MACROD2: variants seen among roughly 807,000 people sequenced by gnomAD.
MACROD2 encodes mono-ADP ribosylhydrolase 2, also known as ADP-ribose glycohydrolase MACROD2.
Under a neutral mutation model 70.4 loss-of-function variants are expected in MACROD2, and 36 were observed. The observed-to-expected ratio is 0.51, with a 90% CI of 0.39 to 0.68. The LOEUF (loss-of-function observed/expected upper bound fraction) is 0.68. MACROD2 is among the 30% of genes least tolerant of loss of function. MACROD2 has a pLI of 0.00. For missense variants in MACROD2, 496 were observed against 538.4 expected, an observed-to-expected ratio of 0.92 and a Z score of 0.78; for synonymous variants, 172 against 178.8, an observed-to-expected ratio of 0.96 and a Z score of 0.30.
chr20:15,390,333 C>T (rs911984574), intron 6 of MACROD2, among the ~76,000 whole-genome samples: 4 of 152,168 alleles, frequency 2.6e-5, no homozygotes, highest in Non-Finnish European at 5.9e-5. Flanking sequence ...TCTCTCCACC[C>T]ATCCAAGTTC....
intron 8 of MACROD2, among the ~76,000 whole-genome samples, chr20:15,545,631 C>G (rs547751416): frequency 6.6e-6 from 1 of 152,128 alleles, no homozygotes; most frequent in Non-Finnish European, 1.5e-5. Context: ...GTTTCATTGT[C>G]TTTTCTGAGA....
chr20:14,798,409 A>G (rs548348930), intron 5 of MACROD2, among the ~76,000 whole-genome samples: 1 of 152,174 alleles, frequency 6.6e-6, no homozygotes, highest in East Asian at 1.9e-4. Context: ...TGGTTTGGGA[A>G]GATCATTGCT....
chr20:15,021,446 G>A (rs186729540), intron 5 of MACROD2: 61 of 148,786 alleles, frequency 4.1e-4, no homozygotes, highest in Non-Finnish European at 6.6e-4. Flanking sequence ...ACACAGATAC[G>A]TATATATGTA....
chr20:15,986,742 C>A lies in MACROD2; in HGVS notation c.1001C>A (p.Ser334Ter). The A allele has an allele frequency of 1.2e-6, 2 of 1,613,050 alleles. No homozygotes were observed. The highest frequency in any genetic ancestry group is 2.2e-5 in the South Asian group (2 of 91,016). The change falls in exon 14 of 18, where the codon TCA (serine) becomes TAA (stop). Residue 334 changes from serine (S) to a stop codon, truncating the protein, a stop_gained. Transcript: ENST00000684519. LOFTEE classifies it high-confidence loss of function. ...TTTTGAACAGGACAAGAGAATGATT[C>A]AACGAAGAATGAAATAAAAATTGAA... is the stretch of plus-strand genomic sequence containing the variant. Reference protein sequence around the residue: ...QDHPDGQENDSTKNEIKIETE... With the variant: ...QDHPDGQEND
chr20:14,303,435 GGT>G (rs1249789930), intron 3 of MACROD2, among the ~76,000 whole-genome samples: 1 of 152,152 alleles, frequency 6.6e-6, no homozygotes, highest in African/African-American at 2.4e-5. Flanking sequence ...AAGCCACAGT[GGT>G]GATAAATGTC....
chr20:14,015,708 C>G (rs935580954), intron 2 of MACROD2, among the ~76,000 whole-genome samples: 15 of 152,216 alleles, frequency 9.9e-5, no homozygotes, highest in African/African-American at 3.6e-4. Context: ...TAGATACAAT[C>G]ATGTAAGTGG....
At chr20:15,541,827 C>G (rs1409375308) in intron 8 of MACROD2, among the ~76,000 whole-genome samples, 1 of 152,170 alleles carries the variant, frequency 6.6e-6, no homozygotes, top group Non-Finnish European at 1.5e-5. Flanking sequence ...TGAAAAGAAT[C>G]TCAATAGCCC....
chr20:14,012,875 A>AT (rs1459719907), intron 2 of MACROD2, among the ~76,000 whole-genome samples: 1 of 152,210 alleles, frequency 6.6e-6, no homozygotes, highest in African/African-American at 2.4e-5. Context: ...TGGCTAAGAA[A>AT]TATTACAGTA....
intron 6 of MACROD2, among the ~76,000 whole-genome samples, chr20:15,234,020 T>G (rs1443766233): frequency 0.019 from 267 of 13,786 alleles, 7 homozygotes; most frequent in Non-Finnish European, 0.03. Flanking sequence ...TTCTTTTTTT[T>G]TTTTTTTTTT....
intron 5 of MACROD2, among the ~76,000 whole-genome samples, chr20:15,088,052 C>A (rs1330050016): frequency 6.6e-6 from 1 of 151,626 alleles, no homozygotes; most frequent in African/African-American, 2.4e-5. Flanking sequence ...CATTGTCATG[C>A]ATTTTTAAAG....
At chr20:14,822,589 G>A (rs929180173) in intron 5 of MACROD2, among the ~76,000 whole-genome samples, 1 of 151,852 alleles carries the variant, frequency 6.6e-6, no homozygotes, top group African/African-American at 2.4e-5. Context: ...CTATTTCCTG[G>A]TAGGTTTAAC....
chr20:15,472,911 C>G (rs1193282597), intron 7 of MACROD2, among the ~76,000 whole-genome samples: 1 of 152,100 alleles, frequency 6.6e-6, no homozygotes, highest in Non-Finnish European at 1.5e-5. Flanking sequence ...TACATTTCTT[C>G]CAGGAAATTT....
intron 15 of MACROD2, among the ~76,000 whole-genome samples, chr20:16,012,889 G>A (rs2066881621): frequency 6.6e-6 from 1 of 152,126 alleles, no homozygotes; most frequent in African/African-American, 2.4e-5. Context: ...CAATAGAAGA[G>A]CTAGAAAGTT....
At chr20:14,727,211 C>A (rs143852039) in intron 5 of MACROD2, among the ~76,000 whole-genome samples, 4 of 152,160 alleles carry the variant, frequency 2.6e-5, no homozygotes, top group Non-Finnish European at 5.9e-5. Flanking sequence ...GTACTTTGTA[C>A]TTTGGAAAGG....
At chr20:15,210,529 C>T (rs149264296) in intron 5 of MACROD2, among the ~76,000 whole-genome samples, 298 of 147,696 alleles carry the variant, frequency 2.0e-3, no homozygotes, top group East Asian at 0.011. Context: ...CGTCCAGCAC[C>T]GTTTCTTTTA....
At position 14,695,691 on chromosome 20, in the gene MACROD2, A is replaced by T. The variant is rs1436706328; in HGVS notation, c.418+10732A>T. 4.6e-5 allele frequency among the ~76,000 whole-genome samples: 7 copies of T among 152,288 alleles called. No homozygotes were observed. The East Asian group carries it at 1.4e-3, about 29-fold the overall frequency. ...GCAATGTGAGTGCGCTTGCAAGCAG[A>T]TCTTCTGAAGCCAGCCCACAGCCAC... On this transcript the variant is annotated intron_variant, in intron 5 of 17. Transcript: ENST00000684519.
chr20:14,062,084 A>G (rs1407305531), intron 2 of MACROD2, among the ~76,000 whole-genome samples: 1 of 152,170 alleles, frequency 6.6e-6, no homozygotes, highest in Non-Finnish European at 1.5e-5. Context: ...TTAAAATATC[A>G]TGCCTAAGTC....
intron 2 of MACROD2, among the ~76,000 whole-genome samples, chr20:14,028,149 CG>C (rs1569123363): frequency 6.6e-6 from 1 of 152,198 alleles, no homozygotes; most frequent in East Asian, 1.9e-4. Context: ...ATGGCTACAG[CG>C]GCTCTGCGGA....
Position 15,407,305 on chromosome 20 carries a change from C to T in MACROD2, c.541-24100C>T, listed in dbSNP as rs149392604. ...GGTAAACACCCTTGCTAAATCACCC[C>T]TCAATGGAAAAGTTGTGTTCTACAG... On this transcript the variant is annotated intron_variant, in intron 6 of 17. Transcript: ENST00000684519. 2.6e-4 allele frequency among the ~76,000 whole-genome samples: 39 copies of T among 152,254 alleles called. No individual in the cohort carries two copies. The East Asian group carries it at 7.3e-3, about 29-fold the overall frequency.
Sources: allele counts gnomAD v4.1 joint callset (sites outside exome capture counted in the v4.1 genomes callset), GRCh38; gene constraint gnomAD v4.1.1; transcripts MANE v1.5; gene names NCBI Gene and HGNC (gene_info 2026-07-23, HGNC 2026-07-21).